LGR5: variants seen among roughly 807,000 people sequenced by gnomAD.
The protein encoded by LGR5 is leucine rich repeat containing G protein-coupled receptor 5.
Under a neutral mutation model 76.7 loss-of-function variants are expected in LGR5, and 54 were observed. That is an observed-to-expected ratio of 0.70 (90% CI 0.57 to 0.88). LGR5 has a LOEUF of 0.88. LGR5 is among the 40% of genes least tolerant of loss of function. The probability of loss-of-function intolerance (pLI) is 0.00; values close to 1 mark genes in which losing one functional copy is unlikely to be tolerated. For missense variants in LGR5, 1,078 were observed against 1,073.3 expected (o/e 1.00, Z -0.06); for synonymous variants, 406 against 421.9 (o/e 0.96, Z 0.46).
At chr12:71,510,625 G>C (rs1353587583) in intron 2 of LGR5, among the ~76,000 whole-genome samples, 1 of 152,130 alleles carries the variant, frequency 6.6e-6, no homozygotes, top group Non-Finnish European at 1.5e-5. Flanking sequence ...CCTGCCCTCA[G>C]GAAGTTGTCA....
intron 1 of LGR5, among the ~76,000 whole-genome samples, chr12:71,499,874 C>A (rs529301834): frequency 6.6e-6 from 1 of 151,958 alleles, no homozygotes; most frequent in Non-Finnish European, 1.5e-5. Context: ...CTTCTCAGGG[C>A]GACTTTTCTG....
chr12:71,452,265 A>G (rs1042812785), intron 1 of LGR5, among the ~76,000 whole-genome samples: 1 of 152,184 alleles, frequency 6.6e-6, no homozygotes, highest in African/African-American at 2.4e-5. Context: ...TGTTGGCCTC[A>G]TCACACCTGA....
rs1349195818 is a variant in LGR5, at chr12:71,584,264, G to A, written c.2254G>A (p.Asp752Asn). The change falls in exon 18 of 18, where the codon GAC becomes AAC. Residue 752 changes from aspartate to asparagine, a missense_variant. Transcript: ENST00000266674. ...CTACACCAAGCTCTACTGCAATTTG[G>A]ACAAGGGAGACCTGGAGAATATTTG... Reference protein sequence around the residue: ...IAYTKLYCNLDKGDLENIWDC... With the variant: ...IAYTKLYCNLNKGDLENIWDC... The A allele has an allele frequency of 1.2e-6, 2 of 1,614,172 alleles. No homozygotes were observed. The highest frequency in any genetic ancestry group is 2.7e-5 in the African/African-American group (2 of 75,026).
chr12:71,532,210 T>C (rs1455880042), intron 3 of LGR5, among the ~76,000 whole-genome samples: 1 of 152,174 alleles, frequency 6.6e-6, no homozygotes, highest in Non-Finnish European at 1.5e-5. Flanking sequence ...GAACTTAAAA[T>C]TGGATGATGG....
chr12:71,461,884 T>A (rs1444858041), intron 1 of LGR5, among the ~76,000 whole-genome samples: 1 of 152,122 alleles, frequency 6.6e-6, no homozygotes, highest in Non-Finnish European at 1.5e-5. Context: ...CATCCCCTTG[T>A]CCCATCTGAA....
At chr12:71,496,425 GACA>G (rs1874327725) in intron 1 of LGR5, among the ~76,000 whole-genome samples, 1 of 149,234 alleles carries the variant, frequency 6.7e-6, no homozygotes, top group Admixed American at 6.7e-5. Flanking sequence ...CAATTTTGGT[GACA>G]ACAAATGGAA....
rs756161441 is a variant in LGR5 at position 71,578,891 on chromosome 12, A to G, written c.1368A>G (p.Leu456=). 1.9e-6 allele frequency: 3 copies of G among 1,611,996 alleles called. No individual in the cohort carries two copies. The highest frequency in any genetic ancestry group is 2.2e-5 in the South Asian group (2 of 90,570). Reference sequence around the variant, plus strand: ...TAAAATTAACAGGAAATCATGCCTTACAGAGCTTGATATCATCTGAAAACT... The same window carrying G: ...TAAAATTAACAGGAAATCATGCCTTGCAGAGCTTGATATCATCTGAAAACT... ...THLKLTGNHA[L]QSLISSENFP... Residue 456 remains leucine (L), a synonymous_variant, in exon 15 of 18, where the codon TTA becomes TTG. Transcript: ENST00000266674.
intron 4 of LGR5, among the ~76,000 whole-genome samples, chr12:71,545,404 A>G (rs1236186253): frequency 6.6e-6 from 1 of 152,212 alleles, no homozygotes; most frequent in Non-Finnish European, 1.5e-5. Context: ...GTGAGCTGAG[A>G]TCCTGCCACT....
chr12:71,559,946 T>G (rs1464135121), intron 7 of LGR5, among the ~76,000 whole-genome samples: 1 of 152,220 alleles, frequency 6.6e-6, no homozygotes, highest in Non-Finnish European at 1.5e-5. Flanking sequence ...ACCATTTATG[T>G]ACTTTATAGA....
intron 16 of LGR5, 82 bp downstream of exon 16, chr12:71,580,505 C>T: frequency 1.4e-6 from 2 of 1,428,870 alleles, no homozygotes; most frequent in East Asian, 4.6e-5. Flanking sequence ...GATGAAAAGT[C>T]ATCGAACAGG....
At chr12:71,578,979 A>C (rs533822114) in intron 15 of LGR5, 50 bp downstream of exon 15, 2 of 1,530,034 alleles carry the variant, frequency 1.3e-6, no homozygotes, top group Admixed American at 3.9e-5. Context: ...CATGTGAAAT[A>C]ATAGATGTAT....
At chr12:71,505,097 G>A (rs1414514000) in intron 2 of LGR5, among the ~76,000 whole-genome samples, 1 of 152,134 alleles carries the variant, frequency 6.6e-6, no homozygotes, top group Non-Finnish European at 1.5e-5. Flanking sequence ...TTATGACAGG[G>A]AGAATTGAGT....
At chr12:71,556,818 A>C in intron 6 of LGR5, 128 bp downstream of exon 6, 2 of 721,564 alleles carry the variant, frequency 2.8e-6, no homozygotes, top group South Asian at 1.6e-5. Context: ...AGATATTTAC[A>C]GTGGCATTAT....
Position 71,519,945 on chromosome 12 carries a change from A to G in LGR5, c.285-4461A>G, listed in dbSNP as rs963398861. Reference sequence around the variant, plus strand: ...AAAAAAATAGCTTCAGATGTGGAGGAATTATAACCCTGGTGCATTATTAGT... The same window carrying G: ...AAAAAAATAGCTTCAGATGTGGAGGGATTATAACCCTGGTGCATTATTAGT... On this transcript the variant is annotated intron_variant, in intron 2 of 17. Transcript: ENST00000266674. Among the ~76,000 whole-genome samples, 33 of 152,074 alleles carry G rather than the reference A, an allele frequency of 2.2e-4. 1 individual carries two copies. Among genetic ancestry groups the G allele is most frequent in the Non-Finnish European group, 5.9e-5 (4 of 68,006 alleles).
chr12:71,566,266 A>G (rs1222012994), intron 8 of LGR5, 138 bp from the exon 9 acceptor site: 2 of 633,088 alleles, frequency 3.2e-6, no homozygotes, highest in Non-Finnish European at 5.4e-6. Context: ...GCCTGAAACC[A>G]AGGAATTGGG....
chr12:71,497,208 G>A (rs1015970896), intron 1 of LGR5, among the ~76,000 whole-genome samples: 8 of 152,016 alleles, frequency 5.3e-5, no homozygotes, highest in Admixed American at 2.6e-4. Flanking sequence ...CCAGCTATCC[G>A]GCAGGCTGAG....
chr12:71,452,837 A>G (rs1361351124), intron 1 of LGR5, among the ~76,000 whole-genome samples: 1 of 152,170 alleles, frequency 6.6e-6, no homozygotes, highest in Non-Finnish European at 1.5e-5. Flanking sequence ...CTACCTGACT[A>G]AGTTGTTGTG....
intron 1 of LGR5, chr12:71,441,660 C>T (rs911203641): frequency 2.0e-5 from 3 of 152,192 alleles, no homozygotes; most frequent in Non-Finnish European, 4.4e-5. Context: ...AGGTACCATT[C>T]TGCTAGATTT....
chr12:71,550,784 A>G (rs932531671), intron 4 of LGR5, among the ~76,000 whole-genome samples: 4 of 152,152 alleles, frequency 2.6e-5, no homozygotes, highest in African/African-American at 4.8e-5. Flanking sequence ...CTTTCAATGC[A>G]TAAACGACTG....
Sources: allele counts gnomAD v4.1 joint callset (sites outside exome capture counted in the v4.1 genomes callset), GRCh38; gene constraint gnomAD v4.1.1; transcripts MANE v1.5; gene names NCBI Gene and HGNC (gene_info 2026-07-23, HGNC 2026-07-21).